Variants in RPTOR observed in about 807,000 individuals in gnomAD.
RPTOR encodes the protein regulatory associated protein of MTOR complex 1.
RPTOR carries 21 observed loss-of-function variants against 169.9 expected under a neutral mutation model. That is an observed-to-expected ratio of 0.12 (90% CI 0.09 to 0.18). The LOEUF (loss-of-function observed/expected upper bound fraction) is 0.18, where lower values mean the gene tolerates loss of function less well. Among genes scored for constraint, RPTOR ranks in the 10% least tolerant of loss-of-function variants. The pLI is 1.00. For missense variants in RPTOR, 1,133 were observed against 1,855.9 expected (o/e 0.61, Z 7.16); for synonymous variants, 732 against 753.2 (o/e 0.97, Z 0.46).
intron 17 of RPTOR, among the ~76,000 whole-genome samples, chr17:80,890,502 G>A (rs2068307665): frequency 7.2e-6 from 1 of 139,370 alleles, no homozygotes; most frequent in African/African-American, 2.6e-5. Flanking sequence ...CCGTGAAGAC[G>A]CACACTGGGC....
At chr17:80,586,668 C>A (rs2065063150) in intron 1 of RPTOR, among the ~76,000 whole-genome samples, 1 of 152,198 alleles carries the variant, frequency 6.6e-6, no homozygotes, top group Non-Finnish European at 1.5e-5. Context: ...AACTGAAGAG[C>A]AGCCCCGGGC....
At chr17:80,797,525 T>C (rs905612037) in intron 7 of RPTOR, among the ~76,000 whole-genome samples, 1 of 152,234 alleles carries the variant, frequency 6.6e-6, no homozygotes, top group African/African-American at 2.4e-5. Context: ...TCAAGTGATC[T>C]TCCTGCCTTG....
chr17:80,564,716 A>G (rs2084555234), intron 1 of RPTOR, among the ~76,000 whole-genome samples: 1 of 151,736 alleles, frequency 6.6e-6, no homozygotes, highest in South Asian at 2.1e-4. Flanking sequence ...AGTACCCAAT[A>G]GCTTTTTTTT....
intron 2 of RPTOR, among the ~76,000 whole-genome samples, chr17:80,638,414 T>TC (rs1195294395): frequency 1.4e-5 from 2 of 146,624 alleles, no homozygotes; most frequent in African/African-American, 5.0e-5. Flanking sequence ...TTCCTTTCTT[T>TC]TTTTTTTTTT....
At chr17:80,719,274 T>C (rs1019536004) in intron 4 of RPTOR, among the ~76,000 whole-genome samples, 2 of 151,924 alleles carry the variant, frequency 1.3e-5, no homozygotes, top group Non-Finnish European at 2.9e-5. Flanking sequence ...CCGGGAAGGG[T>C]ACCTGTCAGC....
chr17:80,624,881 A>T (rs568468661), intron 1 of RPTOR, among the ~76,000 whole-genome samples: 1 of 152,314 alleles, frequency 6.6e-6, no homozygotes, highest in African/African-American at 2.4e-5. Flanking sequence ...AGGAGCATCC[A>T]TGGGCCGGAG....
intron 13 of RPTOR, among the ~76,000 whole-genome samples, chr17:80,872,726 G>A (rs938005688): frequency 5.9e-5 from 9 of 152,220 alleles, no homozygotes; most frequent in African/African-American, 2.2e-4. Context: ...CTGCACCCAG[G>A]CAGACTAGAC....
At chr17:80,815,376 A>G (rs944527684) in intron 7 of RPTOR, among the ~76,000 whole-genome samples, 5 of 152,238 alleles carry the variant, frequency 3.3e-5, no homozygotes, top group Non-Finnish European at 7.3e-5. Flanking sequence ...CAGCTGTGCT[A>G]CAGGGCCACC....
intron 14 of RPTOR, among the ~76,000 whole-genome samples, chr17:80,882,866 T>C (rs2068201069): frequency 6.6e-6 from 1 of 152,216 alleles, no homozygotes; most frequent in South Asian, 2.1e-4. Flanking sequence ...CGTAGGACAC[T>C]AGACCGCGCG....
intron 1 of RPTOR, among the ~76,000 whole-genome samples, chr17:80,579,435 G>A (rs976735470): frequency 2.0e-5 from 3 of 152,100 alleles, no homozygotes; most frequent in African/African-American, 7.2e-5. Flanking sequence ...CAGGTGATCC[G>A]CCTGCCTCAG....
intron 27 of RPTOR, among the ~76,000 whole-genome samples, chr17:80,948,218 T>C (rs969275591): frequency 5.3e-5 from 8 of 152,140 alleles, no homozygotes; most frequent in Admixed American, 3.9e-4. Flanking sequence ...CCTCTGAGAG[T>C]GTCGAGTCGG....
At chr17:80,778,555 A>G (rs2066911497) in intron 6 of RPTOR, among the ~76,000 whole-genome samples, 2 of 152,174 alleles carry the variant, frequency 1.3e-5, no homozygotes, top group Non-Finnish European at 2.9e-5. Flanking sequence ...TCTGCGTTTC[A>G]AGGGGCCCAG....
intron 21 of RPTOR, among the ~76,000 whole-genome samples, chr17:80,913,281 C>A (rs987889531): frequency 9.9e-4 from 151 of 152,120 alleles, no homozygotes; most frequent in Non-Finnish European, 1.9e-4. Flanking sequence ...CTGTAGAATT[C>A]TATATTCAAA....
chr17:80,928,084 G>A (rs1458749400), intron 24 of RPTOR, among the ~76,000 whole-genome samples: 3 of 152,148 alleles, frequency 2.0e-5, no homozygotes, highest in Non-Finnish European at 4.4e-5. Flanking sequence ...CTTGGTTGTC[G>A]TTGAAACAAC....
intron 9 of RPTOR, 43 bp from the exon 10 acceptor site, chr17:80,837,879 C>T (rs924795592): frequency 3.2e-6 from 5 of 1,570,614 alleles, no homozygotes; most frequent in Admixed American, 3.5e-5. Flanking sequence ...CGTGTGGAAG[C>T]CCGTCCATAA....
chr17:80,951,400 G>A (rs560848326), intron 28 of RPTOR, among the ~76,000 whole-genome samples: 1 of 152,336 alleles, frequency 6.6e-6, no homozygotes, highest in Non-Finnish European at 1.5e-5. Flanking sequence ...GCTTCCTTCA[G>A]AGTGGGAGCC....
intron 3 of RPTOR, among the ~76,000 whole-genome samples, chr17:80,693,639 G>A (rs2066011428): frequency 6.6e-6 from 1 of 152,238 alleles, no homozygotes; most frequent in African/African-American, 2.4e-5. Context: ...TTTGGGTTCG[G>A]TGTACGCAAT....
rs112016002 is a variant in RPTOR, at chr17:80,923,996, C to T, written c.2808+323C>T. On this transcript the variant is annotated intron_variant, in intron 23 of 33. Coordinates refer to ENST00000306801, the MANE Select transcript of RPTOR (RefSeq NM_020761.3). ...ACCATTCTGGGCAGCTTCCATGTAA[C>T]GAAACAGGAGCACGGAGTTACCTGG... 2.9e-3 allele frequency: 1,103 copies of T among 384,050 alleles called. 9 individuals carry two copies. Among genetic ancestry groups the T allele is most frequent in the African/African-American group, 0.02 (987 of 48,230 alleles). 23.8% of individuals were successfully genotyped at this position (384,050 alleles called of 1,614,324 possible).
chr17:80,817,217 C>T (rs1015047095), intron 7 of RPTOR, among the ~76,000 whole-genome samples: 1 of 152,164 alleles, frequency 6.6e-6, no homozygotes, highest in African/African-American at 2.4e-5. Context: ...GCAGCTAGTC[C>T]ACAGTCACAG....
Sources: allele counts gnomAD v4.1 joint callset (sites outside exome capture counted in the v4.1 genomes callset), GRCh38; gene constraint gnomAD v4.1.1; transcripts MANE v1.5; gene names NCBI Gene and HGNC (gene_info 2026-07-23, HGNC 2026-07-21).